Variants in KDM2B observed in about 807,000 individuals in gnomAD.
The protein encoded by KDM2B is lysine-specific demethylase 2B.
In KDM2B, 26 loss-of-function variants were observed where a neutral mutation model predicts 150.0. The ratio of observed to expected loss-of-function variants is 0.17; its 90% CI spans 0.13 to 0.24. The LOEUF (loss-of-function observed/expected upper bound fraction) is 0.24. Ranked by LOEUF, KDM2B falls within the 10% of genes least tolerant of loss-of-function variation. The pLI is 1.00. For synonymous variants in KDM2B, 734 were observed against 729.5 expected, an observed-to-expected ratio of 1.01 and a Z score of -0.10; for missense variants, 1,265 against 1,816.9, an observed-to-expected ratio of 0.70 and a Z score of 5.52.
chr12:121,580,250 T>C, intron 1 of KDM2B: 1 of 875,654 alleles, frequency 1.1e-6, no homozygotes, highest in Non-Finnish European at 1.4e-6. Context: ...TTTCAGCAGT[T>C]GTGGGGGGGG....
At chr12:121,577,587 C>T (rs1848760844) in intron 2 of KDM2B, among the ~76,000 whole-genome samples, 1 of 152,142 alleles carries the variant, frequency 6.6e-6, no homozygotes, top group Admixed American at 6.6e-5. Context: ...AGTCTCTTCT[C>T]AGAGCTAACC....
At chr12:121,440,147 C>T in intron 21 of KDM2B, 72 bp from the exon 22 acceptor site, 1 of 1,110,386 alleles carries the variant, frequency 9.0e-7, no homozygotes, top group Non-Finnish European at 1.3e-6. Context: ...ACATGACACT[C>T]TAAAAGGCCC....
intron 8 of KDM2B, chr12:121,524,569 C>T (rs1355782219): frequency 9.3e-6 from 2 of 215,980 alleles, no homozygotes; most frequent in African/African-American, 4.7e-5. Flanking sequence ...GATTAGCCGC[C>T]ACTGCGTCCC....
Position 121,430,063 on chromosome 12 carries a change from G to T in KDM2B, c.*225C>A. The T allele has an allele frequency of 1.4e-6, 2 of 1,460,406 alleles. No individual in the cohort carries two copies. The highest frequency in any genetic ancestry group is 1.9e-6 in the Non-Finnish European group (2 of 1,039,750). 90.5% of individuals were successfully genotyped at this position (1,460,406 alleles called of 1,614,324 possible). A position where few individuals can be genotyped will look rare whatever the true frequency, so the allele number is the denominator to read the frequency against. Reference sequence around the variant, plus strand: ...TTCTTGTAAAGGCCGCCTTAGAAATGGTCCAGAAAGCAGTGCAGTTACGAT... The same window carrying T: ...TTCTTGTAAAGGCCGCCTTAGAAATTGTCCAGAAAGCAGTGCAGTTACGAT... On this transcript the variant is annotated 3_prime_UTR_variant, in exon 23 of 23. Transcript: ENST00000377071. The surrounding 1 kb of genome is among the most constrained non-coding windows in gnomAD (Gnocchi z 4.4).
intron 8 of KDM2B, among the ~76,000 whole-genome samples, chr12:121,522,096 T>C (rs1280255175): frequency 1.3e-5 from 2 of 149,834 alleles, no homozygotes; most frequent in Non-Finnish European, 3.0e-5. Context: ...GTAACAGAGA[T>C]AACCATCTCA....
intron 4 of KDM2B, among the ~76,000 whole-genome samples, chr12:121,566,653 G>A (rs555353541): frequency 3.4e-4 from 51 of 151,412 alleles, no homozygotes; most frequent in Non-Finnish European, 5.0e-4. Flanking sequence ...AAAATTAGCC[G>A]GGCATGGTGG....
chr12:121,514,115 G>A (rs1418334113), intron 9 of KDM2B, among the ~76,000 whole-genome samples: 3 of 152,098 alleles, frequency 2.0e-5, no homozygotes, highest in African/African-American at 7.2e-5. Context: ...GACACATCTC[G>A]GGTCTGGAGC....
At position 121,468,496 on chromosome 12, in the gene KDM2B, A is replaced by G; in HGVS notation, c.1735-15152T>C. On this transcript the variant is annotated intron_variant, in intron 12 of 22. Coordinates refer to ENST00000377071, the MANE Select transcript of KDM2B (RefSeq NM_032590.5). The surrounding 1 kb of genome is among the most constrained non-coding windows in gnomAD (Gnocchi z 4.0). ...GGTAACACTAAATATGCACACCTGT[A>G]CCTGTTCAGTTTCTCCATCTATACA... is the stretch of plus-strand genomic sequence containing the variant. 1 of 152,370 alleles carries G rather than the reference A, an allele frequency of 6.6e-6. No individual in the cohort carries two copies. Among genetic ancestry groups the G allele is most frequent in the Non-Finnish European group, 1.5e-5 (1 of 68,042 alleles). The allele number at this position is 152,370 out of a possible 1,614,324, so 9.4% of individuals were successfully genotyped here.
At chr12:121,488,798 G>T (rs910266391) in intron 12 of KDM2B, among the ~76,000 whole-genome samples, 24 of 149,706 alleles carry the variant, frequency 1.6e-4, no homozygotes, top group Middle Eastern at 3.4e-3. Context: ...ATTTTTTTTG[G>T]TTTTTTGTTT....
intron 4 of KDM2B, among the ~76,000 whole-genome samples, chr12:121,567,455 T>C (rs1372740941): frequency 1.3e-5 from 2 of 152,158 alleles, no homozygotes; most frequent in East Asian, 3.9e-4. Flanking sequence ...ACGCATGCAA[T>C]TGCAGCACTT....
downstream of KDM2B, among the ~76,000 whole-genome samples, chr12:121,425,674 C>T (rs1448896163): frequency 6.6e-6 from 1 of 152,086 alleles, no homozygotes; most frequent in African/African-American, 2.4e-5. Context: ...TCTGCAACCA[C>T]AATTGGTAGT....
intron 14 of KDM2B, 49 bp from the exon 15 acceptor site, chr12:121,444,585 C>T: frequency 6.6e-7 from 1 of 1,511,270 alleles, no homozygotes; most frequent in Non-Finnish European, 9.2e-7. Flanking sequence ...AGAAGATGGC[C>T]CACGGGCACA....
At chr12:121,509,067 T>C (rs1329703731) in intron 11 of KDM2B, among the ~76,000 whole-genome samples, 1 of 151,980 alleles carries the variant, frequency 6.6e-6, no homozygotes, top group Admixed American at 6.6e-5. Flanking sequence ...TACAGCTCTT[T>C]TGTTTTTTTG....
At chr12:121,437,022 AC>A (rs1874119949) in intron 22 of KDM2B, among the ~76,000 whole-genome samples, 1 of 152,160 alleles carries the variant, frequency 6.6e-6, no homozygotes, top group Non-Finnish European at 1.5e-5. Context: ...AATGTCTCTC[AC>A]CAAATGTGAG....
intron 10 of KDM2B, among the ~76,000 whole-genome samples, chr12:121,512,225 AG>A (rs782288210): frequency 2.0e-5 from 3 of 152,044 alleles, no homozygotes; most frequent in Non-Finnish European, 2.9e-5. Flanking sequence ...GGCAGGTTGT[AG>A]GGTTTCGGGA....
In KDM2B at chr12:121,430,386, G is replaced by C; in HGVS notation, c.3913C>G (p.Gln1305Glu). The change falls in exon 23 of 23, where the codon CAA (glutamine) becomes GAA (glutamate). Residue 1305 changes from glutamine to glutamate, a missense_variant. By Grantham distance (29) the Gln-to-Glu change is conservative. Around this residue, in one of 11 missense-constraint regions of KDM2B, gnomAD observed 251 missense variants for 397.8 expected, o/e 0.63. Transcript: ENST00000377071. This position sits in a 1 kb window ranked among gnomAD's most constrained non-coding sequence, Gnocchi z 4.4. Reference sequence around the variant, plus strand: ...TGCTCACAGCCTTCCTTGGTGACTTGCTTGCAGTACCTCAGGTCAATATGA... The same window carrying C: ...TGCTCACAGCCTTCCTTGGTGACTTCCTTGCAGTACCTCAGGTCAATATGA... ...ICHIDLRYCK[Q>E]VTKEGCEQFI... The C allele has an allele frequency of 1.2e-6, 2 of 1,614,106 alleles. No individual in the cohort carries two copies. Among genetic ancestry groups the C allele is most frequent in the Non-Finnish European group, 1.7e-6 (2 of 1,179,990 alleles).
intron 11 of KDM2B, among the ~76,000 whole-genome samples, chr12:121,502,998 G>GA (rs34808393): frequency 0.22 from 31,063 of 139,412 alleles, 6,082 homozygotes; most frequent in African/African-American, 0.54. Context: ...TTTTTTTTGA[G>GA]CAGAGTTTTG....
chr12:121,461,700 G>C (rs1566294517), intron 12 of KDM2B, among the ~76,000 whole-genome samples: 1 of 152,158 alleles, frequency 6.6e-6, no homozygotes. Context: ...AGGGGCCCAT[G>C]GGACAGCCAA....
At chr12:121,573,547 T>A (rs1891271591) in intron 4 of KDM2B, among the ~76,000 whole-genome samples, 1 of 151,614 alleles carries the variant, frequency 6.6e-6, no homozygotes, top group Admixed American at 6.6e-5. Flanking sequence ...AGTGCTGGGA[T>A]TACAGGCGTG....
Sources: gnomAD v4.1 joint callset for allele counts (sites outside exome capture counted in the v4.1 genomes callset) on GRCh38, gnomAD v4.1.1 for gene constraint, gnomAD v4.1.1 regional missense constraint, Gnocchi (gnomAD v3.1) non-coding constraint, MANE v1.5 for transcripts, NCBI Gene and HGNC (gene_info 2026-07-23, HGNC 2026-07-21) for gene names.